SOS1: variants seen among roughly 807,000 people sequenced by gnomAD.
The protein encoded by SOS1 is SOS Ras/Rac guanine nucleotide exchange factor 1, also known as son of sevenless homolog 1.
SOS1 carries 25 observed loss-of-function variants against 157.6 expected under a neutral mutation model. The observed-to-expected ratio is 0.16, with a 90% CI of 0.12 to 0.22. The LOEUF (loss-of-function observed/expected upper bound fraction) is 0.22, where lower values mean the gene tolerates loss of function less well. SOS1 is among the 10% of genes least tolerant of loss of function. The pLI is 1.00. For synonymous variants in SOS1, 528 were observed against 534.0 expected, an observed-to-expected ratio of 0.99 and a Z score of 0.16; for missense variants, 1,237 against 1,599.1, an observed-to-expected ratio of 0.77 and a Z score of 3.86.
In SOS1 at chr2:39,056,816, T is replaced by A. The variant is rs727505385; in HGVS notation, c.396A>T (p.Ala132=). 1.7e-5 allele frequency: 27 copies of A among 1,606,212 alleles called. No homozygotes were observed. The highest frequency in any genetic ancestry group is 3.3e-4 in the Middle Eastern group (2 of 6,064). ...IDHQVSVYIV[A]VLEYISADIL... Reference sequence around the variant, plus strand: ...TGTCTGCAGAAATGTATTCTAAGACTGCTACTATGTAAACAGAAACCTGGT... The same window carrying A: ...TGTCTGCAGAAATGTATTCTAAGACAGCTACTATGTAAACAGAAACCTGGT... Residue 132 remains alanine, a synonymous_variant, in exon 4 of 23, where the codon GCA becomes GCT. Transcript: ENST00000402219.
chr2:39,097,318 T>C (rs1176935871), intron 1 of SOS1, among the ~76,000 whole-genome samples: 2 of 152,158 alleles, frequency 1.3e-5, no homozygotes, highest in Non-Finnish European at 2.9e-5. Context: ...TTCCTACATA[T>C]CAGCATATAG....
intron 1 of SOS1, 119 bp downstream of exon 1, chr2:39,120,217 G>T: frequency 2.2e-6 from 2 of 897,330 alleles, no homozygotes; most frequent in Non-Finnish European, 3.1e-6. Flanking sequence ...CCGTCCTTTT[G>T]GAGACGCGGC....
At chr2:39,075,215 G>A (rs112957959) in intron 1 of SOS1, among the ~76,000 whole-genome samples, 1 of 152,146 alleles carries the variant, frequency 6.6e-6, no homozygotes, top group African/African-American at 2.4e-5. Flanking sequence ...TGGGAGGTGG[G>A]AAAGAAGGGC....
At chr2:39,026,836 T>C (rs1265482656) in intron 8 of SOS1, among the ~76,000 whole-genome samples, 4 of 152,196 alleles carry the variant, frequency 2.6e-5, no homozygotes, top group East Asian at 1.9e-4. Flanking sequence ...ACATAAAATA[T>C]ACTAACACTA....
At chr2:39,027,830 A>T (rs1019704775) in intron 8 of SOS1, among the ~76,000 whole-genome samples, 47 of 142,732 alleles carry the variant, frequency 3.3e-4, no homozygotes, top group Non-Finnish European at 4.5e-4. Flanking sequence ...TCATATTATT[A>T]TTTTTTTTTT....
intron 8 of SOS1, among the ~76,000 whole-genome samples, chr2:39,034,531 A>G (rs1670276747): frequency 1.3e-5 from 2 of 152,242 alleles, no homozygotes; most frequent in Admixed American, 6.5e-5. Context: ...GGTAGAGAGA[A>G]TATCACTTTG....
At chr2:39,104,910 A>T (rs908402848) in intron 1 of SOS1, among the ~76,000 whole-genome samples, 1 of 152,252 alleles carries the variant, frequency 6.6e-6, no homozygotes, top group Admixed American at 6.5e-5. Context: ...AGGGATTGGG[A>T]AAGAATAGAT....
At chr2:39,023,448 TCTC>T (rs1307613114) in intron 9 of SOS1, among the ~76,000 whole-genome samples, 2 of 151,948 alleles carry the variant, frequency 1.3e-5, no homozygotes, top group Non-Finnish European at 2.9e-5. Flanking sequence ...CTGACAAAAT[TCTC>T]CTTAAATGTA....
intron 9 of SOS1, among the ~76,000 whole-genome samples, 174 bp from the exon 10 acceptor site, chr2:39,023,399 T>C (rs1669858902): frequency 1.3e-5 from 2 of 152,068 alleles, no homozygotes; most frequent in Non-Finnish European, 2.9e-5. Flanking sequence ...TAAAGCAACC[T>C]AGAAATTTTT....
Position 38,994,082 on chromosome 2 carries a change from G to T in SOS1, c.3346+1041C>A, listed in dbSNP as rs573301585. Among the ~76,000 whole-genome samples, 45 of 152,294 alleles carry T rather than the reference G, an allele frequency of 3.0e-4. 1 individual carries two copies. Among genetic ancestry groups the T allele is most frequent in the Middle Eastern group, 3.4e-3 (1 of 294 alleles). On this transcript the variant is annotated intron_variant, in intron 20 of 22. Transcript: ENST00000402219. ...ATTATTGAGCATCTGACTGTGGCTTGTCTGAACTGAGATGTGCTGTAAGTG... is the reference window on the plus strand; with the variant it reads ...ATTATTGAGCATCTGACTGTGGCTTTTCTGAACTGAGATGTGCTGTAAGTG...
At position 39,048,084 on chromosome 2, in the gene SOS1, G is replaced by C. The variant is rs143198358; in HGVS notation, c.864+3060C>G. 2.0e-4 allele frequency among the ~76,000 whole-genome samples: 31 copies of C among 152,268 alleles called. 1 individual carries two copies. In the East Asian group the frequency reaches 4.2e-3, roughly 21 times the overall value. The stretch of plus-strand genomic sequence containing the variant: ...TATTAATTTTGTCTTTTGATGAATG[G>C]ATATTCTTACATCTAATGAAGTCCA... On this transcript the variant is annotated intron_variant, in intron 6 of 22. Transcript: ENST00000402219.
At chr2:39,035,189 A>G in intron 8 of SOS1, 23 bp downstream of exon 8, 2 of 1,533,166 alleles carry the variant, frequency 1.3e-6, no homozygotes, top group East Asian at 2.3e-5. Flanking sequence ...TATGTTACAA[A>G]TAACAATAAA....
At chr2:39,084,915 A>G (rs992340239) in intron 1 of SOS1, among the ~76,000 whole-genome samples, 9 of 152,182 alleles carry the variant, frequency 5.9e-5, no homozygotes, top group Non-Finnish European at 8.8e-5. Context: ...TTCCTCTTCA[A>G]CTATGCTCTT....
chr2:39,097,762 A>T (rs915002495), intron 1 of SOS1, among the ~76,000 whole-genome samples: 2 of 151,986 alleles, frequency 1.3e-5, no homozygotes, highest in Non-Finnish European at 2.9e-5. Context: ...ATGGAGTTTC[A>T]CCATGTTGCC....
intron 15 of SOS1, among the ~76,000 whole-genome samples, chr2:39,007,688 G>T (rs557910280): frequency 6.6e-6 from 1 of 152,134 alleles, no homozygotes; most frequent in Non-Finnish European, 1.5e-5. Flanking sequence ...AGCATTAAAT[G>T]TAATGGCAAA....
At chr2:39,106,463 C>A (rs1287340314) in intron 1 of SOS1, among the ~76,000 whole-genome samples, 19 of 148,360 alleles carry the variant, frequency 1.3e-4, no homozygotes, top group African/African-American at 4.7e-4. Flanking sequence ...TAGTGGCGGG[C>A]GCCTGTCGTC....
chr2:39,039,600 A>G (rs1041335798), intron 6 of SOS1, among the ~76,000 whole-genome samples: 10 of 152,218 alleles, frequency 6.6e-5, no homozygotes. Flanking sequence ...GTTTATTAAT[A>G]GCTTTTGACC....
At chr2:38,991,671 G>A (rs1032903880) in intron 20 of SOS1, among the ~76,000 whole-genome samples, 1 of 152,154 alleles carries the variant, frequency 6.6e-6, no homozygotes, top group Non-Finnish European at 1.5e-5. Context: ...TTGCCACAAC[G>A]CTTTCCATGA....
At chr2:39,106,751 C>A (rs989889627) in intron 1 of SOS1, among the ~76,000 whole-genome samples, 1 of 152,136 alleles carries the variant, frequency 6.6e-6, no homozygotes, top group Non-Finnish European at 1.5e-5. Context: ...CTGGTTTGCG[C>A]CTTTCTGCCT....
Sources: allele counts gnomAD v4.1 joint callset (sites outside exome capture counted in the v4.1 genomes callset), GRCh38; gene constraint gnomAD v4.1.1; transcripts MANE v1.5; gene names NCBI Gene and HGNC (gene_info 2026-07-23, HGNC 2026-07-21).